ADAM22: variants seen among roughly 807,000 people sequenced by gnomAD.
ADAM22 encodes the protein disintegrin and metalloproteinase domain-containing protein 22.
A neutral mutation model predicts 144.6 loss-of-function variants in ADAM22; 65 were observed. The observed-to-expected ratio is 0.45, with a 90% confidence interval of 0.37 to 0.55. The LOEUF (loss-of-function observed/expected upper bound fraction) is 0.55, where lower values mean the gene tolerates loss of function less well. ADAM22 is among the 20% of genes least tolerant of loss of function. ADAM22 has a pLI of 0.00. For synonymous variants in ADAM22, 391 were observed against 412.6 expected, an observed-to-expected ratio of 0.95 and a Z score of 0.63; for missense variants, 974 against 1,184.9, an observed-to-expected ratio of 0.82 and a Z score of 2.61.
chr7:87,953,361 C>G (rs1289365159), intron 2 of ADAM22, among the ~76,000 whole-genome samples: 2 of 152,014 alleles, frequency 1.3e-5, no homozygotes, highest in African/African-American at 2.4e-5. Context: ...TCGTTGGTTT[C>G]AAAGAACATC....
At chr7:88,009,746 AACCTTTTATCCCTACT>A (rs1794937251) in intron 3 of ADAM22, among the ~76,000 whole-genome samples, 1 of 152,130 alleles carries the variant, frequency 6.6e-6, no homozygotes, top group Non-Finnish European at 1.5e-5. Context: ...TTCTATTTTA[AACCTTTTATCCCTACT>A]ACCCTATCCT....
At position 88,012,038 on chromosome 7, in the gene ADAM22, C is replaced by CT. The variant is rs35274305; in HGVS notation, c.323+33638dup. Among the ~76,000 whole-genome samples, 1,231 of 137,892 alleles carry CT rather than the reference C, an allele frequency of 8.9e-3. 18 individuals are homozygous for CT. The highest frequency in any genetic ancestry group is 0.03 in the African/African-American group (1,102 of 37,348). 90.5% of individuals were successfully genotyped at this position (137,892 alleles called of 152,430 possible). A position where few individuals can be genotyped will look rare whatever the true frequency, so the allele number is the denominator to read the frequency against. ...AGAGTATTGTGTTCTGTTTTTTTTT[C>CT]TTTTTTTTTTTTGTCCTTGCATTTT... On this transcript the variant is annotated intron_variant, in intron 3 of 31. Coordinates refer to ENST00000413139, the MANE Select transcript of ADAM22 (RefSeq NM_001324418.2).
intron 31 of ADAM22, among the ~76,000 whole-genome samples, chr7:88,194,103 G>A (rs540136618): frequency 6.6e-6 from 1 of 152,310 alleles, no homozygotes; most frequent in Non-Finnish European, 1.5e-5. Context: ...TAGATACCTA[G>A]TTGTTCATGA....
At chr7:88,153,453 T>C in intron 21 of ADAM22, 127 bp downstream of exon 21, 1 of 672,044 alleles carries the variant, frequency 1.5e-6, no homozygotes, top group Non-Finnish European at 2.5e-6. Flanking sequence ...ACCTCATCTC[T>C]TCCCAGTGTT....
chr7:88,199,850 TTG>T lies in ADAM22; in HGVS notation c.*3363_*3364del, dbSNP rs760402932. On this transcript the variant is annotated 3_prime_UTR_variant, in exon 32 of 32. Transcript: ENST00000413139. ...TGTTACTTTAAAAAGAATTTTAAAATTGTGTTTGTATATAAGGTCAGTCTGGC... is the reference window on the plus strand; with the variant it reads ...TGTTACTTTAAAAAGAATTTTAAAATTGTTTGTATATAAGGTCAGTCTGGC... 1.3e-5 allele frequency: 2 copies of T among 152,230 alleles called. No homozygotes were observed. The highest frequency in any genetic ancestry group is 2.9e-5 in the Non-Finnish European group (2 of 68,034). The allele number at this position is 152,230 out of a possible 1,614,324, so 9.4% of individuals were successfully genotyped here.
At chr7:87,985,670 A>G (rs1321033276) in intron 3 of ADAM22, among the ~76,000 whole-genome samples, 2 of 152,168 alleles carry the variant, frequency 1.3e-5, no homozygotes, top group African/African-American at 2.4e-5. Flanking sequence ...ATATTATTGC[A>G]TTGTATTGAT....
At chr7:88,157,529 G>T (rs759367900) in intron 22 of ADAM22, among the ~76,000 whole-genome samples, 1 of 152,072 alleles carries the variant, frequency 6.6e-6, no homozygotes, top group Non-Finnish European at 1.5e-5. Flanking sequence ...AATTTCTCAG[G>T]AAAGTACTAG....
chr7:88,148,644 G>T (rs1008382336), intron 17 of ADAM22, among the ~76,000 whole-genome samples: 1 of 152,096 alleles, frequency 6.6e-6, no homozygotes, highest in Non-Finnish European at 1.5e-5. Context: ...TGATAAAAGT[G>T]TCGGTGAGAA....
At chr7:87,942,019 G>A (rs1050695287) in intron 2 of ADAM22, among the ~76,000 whole-genome samples, 3 of 152,032 alleles carry the variant, frequency 2.0e-5, no homozygotes, top group African/African-American at 7.3e-5. Flanking sequence ...CTGTAAGGTC[G>A]GTAGTATTCC....
At chr7:88,149,146 C>T in intron 18 of ADAM22, 89 bp downstream of exon 18, 1 of 875,986 alleles carries the variant, frequency 1.1e-6, no homozygotes, top group Non-Finnish European at 1.8e-6. Context: ...TGTAAATGAA[C>T]AAGATGCTCG....
At chr7:87,995,623 G>C (rs1454313231) in intron 3 of ADAM22, among the ~76,000 whole-genome samples, 1 of 152,148 alleles carries the variant, frequency 6.6e-6, no homozygotes, top group Non-Finnish European at 1.5e-5. Flanking sequence ...CAGACCTGCT[G>C]AATCAGAATC....
intron 3 of ADAM22, among the ~76,000 whole-genome samples, chr7:88,007,370 C>A (rs865791656): frequency 6.4e-4 from 98 of 152,130 alleles, no homozygotes; most frequent in Middle Eastern, 6.8e-3. Flanking sequence ...GCTACCAATG[C>A]CTTTCTTCAC....
intron 3 of ADAM22, among the ~76,000 whole-genome samples, chr7:88,046,352 T>TC (rs1331611031): frequency 6.6e-6 from 1 of 152,222 alleles, no homozygotes; most frequent in African/African-American, 2.4e-5. Flanking sequence ...TTACCTGTTG[T>TC]CCATTTGTAT....
chr7:88,172,928 A>C (rs975728605), intron 26 of ADAM22, among the ~76,000 whole-genome samples: 2 of 152,002 alleles, frequency 1.3e-5, no homozygotes, highest in Admixed American at 1.3e-4. Flanking sequence ...CTTTAGTGGA[A>C]AATAGAATTA....
chr7:88,125,010 T>A (rs1293193143), intron 7 of ADAM22, among the ~76,000 whole-genome samples: 1 of 151,988 alleles, frequency 6.6e-6, no homozygotes, highest in Non-Finnish European at 1.5e-5. Flanking sequence ...TCCTCCCTTA[T>A]AAATAACCTA....
chr7:88,179,589 A>G (rs1025255255), intron 27 of ADAM22, among the ~76,000 whole-genome samples: 10 of 151,968 alleles, frequency 6.6e-5, no homozygotes, highest in African/African-American at 2.2e-4. Context: ...TCTAGACTTT[A>G]TAAGTTACAA....
chr7:87,989,383 G>A (rs1789228906), intron 3 of ADAM22, among the ~76,000 whole-genome samples: 1 of 151,730 alleles, frequency 6.6e-6, no homozygotes, highest in Non-Finnish European at 1.5e-5. Context: ...CTATATTATT[G>A]TATATTATTT....
chr7:88,138,575 G>C (rs370872400), intron 14 of ADAM22, among the ~76,000 whole-genome samples: 4 of 152,266 alleles, frequency 2.6e-5, no homozygotes, highest in African/African-American at 9.6e-5. Context: ...CTGAAGTTCT[G>C]TACAGCTAAA....
chr7:88,002,305 C>T (rs1201372670), intron 3 of ADAM22, among the ~76,000 whole-genome samples: 1 of 152,110 alleles, frequency 6.6e-6, no homozygotes, highest in Non-Finnish European at 1.5e-5. Flanking sequence ...ATCACTGAGT[C>T]TCACTGTCTG....
Sources: gnomAD v4.1 joint callset for allele counts (sites outside exome capture counted in the v4.1 genomes callset) on GRCh38, gnomAD v4.1.1 for gene constraint, MANE v1.5 for transcripts, NCBI Gene and HGNC (gene_info 2026-07-23, HGNC 2026-07-21) for gene names.